Variants in CNTN5 observed in about 807,000 individuals in gnomAD.
CNTN5 encodes contactin-5.
Under a neutral mutation model 129.1 loss-of-function variants are expected in CNTN5, and 77 were observed. The observed-to-expected ratio is 0.60, with a 90% CI of 0.50 to 0.72. CNTN5 has a LOEUF of 0.72. Ranked by LOEUF, CNTN5 falls within the 30% of genes least tolerant of loss-of-function variation. CNTN5 has a pLI of 0.00. For synonymous variants in CNTN5, 509 were observed against 465.6 expected, an observed-to-expected ratio of 1.09 and a Z score of -1.20; for missense variants, 1,478 against 1,328.8, an observed-to-expected ratio of 1.11 and a Z score of -1.75.
chr11:100,176,089 G>T (rs1257277340), intron 13 of CNTN5, among the ~76,000 whole-genome samples: 1 of 151,874 alleles, frequency 6.6e-6, no homozygotes, highest in Non-Finnish European at 1.5e-5. Flanking sequence ...GCTCCATCTT[G>T]GCTCACTGCA....
chr11:99,299,377 T>G (rs896317380), intron 1 of CNTN5, among the ~76,000 whole-genome samples: 3 of 151,962 alleles, frequency 2.0e-5, no homozygotes, highest in East Asian at 1.9e-4. Context: ...CAAATAAAAA[T>G]TATAAAGTTG....
intron 2 of CNTN5, among the ~76,000 whole-genome samples, chr11:99,380,782 AAAAAGAAAAG>A (rs1555126508): frequency 8.0e-5 from 11 of 137,762 alleles, no homozygotes; most frequent in East Asian, 2.0e-4. Flanking sequence ...AAAAAAAAAA[AAAAAGAAAAG>A]AAAAAAGAAA....
chr11:99,387,454 A>G (rs1425321692), intron 2 of CNTN5, among the ~76,000 whole-genome samples: 1 of 152,226 alleles, frequency 6.6e-6, no homozygotes, highest in African/African-American at 2.4e-5. Flanking sequence ...ATTATTAAAC[A>G]CCATTTCTAC....
At chr11:99,230,950 C>T (rs896166463) in intron 1 of CNTN5, among the ~76,000 whole-genome samples, 41 of 152,120 alleles carry the variant, frequency 2.7e-4, no homozygotes, top group Non-Finnish European at 5.3e-4. Flanking sequence ...TAGTGGCTTC[C>T]AGCTCCATCC....
At chr11:99,312,547 A>T in intron 1 of CNTN5, among the ~76,000 whole-genome samples, 1 of 152,136 alleles carries the variant, frequency 6.6e-6, no homozygotes, top group East Asian at 1.9e-4. Flanking sequence ...AGCAGAATGC[A>T]TTATAATATA....
chr11:99,993,592 G>A (rs1469379694), intron 8 of CNTN5, among the ~76,000 whole-genome samples: 4 of 152,068 alleles, frequency 2.6e-5, no homozygotes, highest in Non-Finnish European at 2.9e-5. Context: ...ACAACAGGGT[G>A]CAAACTCCTG....
At chr11:100,052,585 G>T (rs539429580) in intron 9 of CNTN5, among the ~76,000 whole-genome samples, 2 of 151,752 alleles carry the variant, frequency 1.3e-5, no homozygotes, top group Non-Finnish European at 3.0e-5. Flanking sequence ...GAGATATACC[G>T]TGTTCATGGA....
intron 9 of CNTN5, among the ~76,000 whole-genome samples, chr11:100,003,342 T>A (rs1009212164): frequency 6.6e-6 from 1 of 152,134 alleles, no homozygotes; most frequent in Non-Finnish European, 1.5e-5. Flanking sequence ...GTTAAGCGCA[T>A]AAGATTGAAT....
intron 7 of CNTN5, among the ~76,000 whole-genome samples, chr11:99,955,274 A>G (rs551849829): frequency 6.6e-6 from 1 of 151,700 alleles, no homozygotes; most frequent in Non-Finnish European, 1.5e-5. Flanking sequence ...CCTTGAATTT[A>G]GAGTCTACTT....
intron 7 of CNTN5, among the ~76,000 whole-genome samples, chr11:99,932,594 TC>T (rs1950218160): frequency 6.6e-6 from 1 of 152,188 alleles, no homozygotes; most frequent in Non-Finnish European, 1.5e-5. Flanking sequence ...TTGTCACTTA[TC>T]AGCAATGTGA....
At chr11:99,537,387 C>A (rs1219697814) in intron 2 of CNTN5, among the ~76,000 whole-genome samples, 1 of 151,974 alleles carries the variant, frequency 6.6e-6, no homozygotes, top group Non-Finnish European at 1.5e-5. Flanking sequence ...GATGTTGAAC[C>A]CACACCTGTC....
At chr11:99,325,525 A>G (rs1865745608) in intron 2 of CNTN5, 41 bp downstream of exon 2, 1 of 152,124 alleles carries the variant, frequency 6.6e-6, no homozygotes, top group African/African-American at 2.4e-5. Context: ...AAATTGAAAG[A>G]CATGTTGAAA....
chr11:99,789,333 A>G (rs1170736023), intron 3 of CNTN5, among the ~76,000 whole-genome samples: 2 of 151,984 alleles, frequency 1.3e-5, no homozygotes, highest in Non-Finnish European at 2.9e-5. Flanking sequence ...AGAGAGATTA[A>G]GTAACTTCTC....
At chr11:100,326,316 A>G (rs1226471595) in intron 21 of CNTN5, among the ~76,000 whole-genome samples, 2 of 152,206 alleles carry the variant, frequency 1.3e-5, no homozygotes, top group Admixed American at 1.3e-4. Context: ...AATAACAGAA[A>G]AAAAGTGAAC....
chr11:99,828,835 A>G (rs1390814000), intron 4 of CNTN5, among the ~76,000 whole-genome samples: 1 of 152,202 alleles, frequency 6.6e-6, no homozygotes, highest in Non-Finnish European at 1.5e-5. Context: ...ATTTGATTAT[A>G]GTAGTTGTCT....
Position 100,135,325 on chromosome 11 carries a change from G to A in CNTN5, c.1581-55801G>A, listed in dbSNP as rs557719447. ...CAAGTAGCTGGGACTACAGGCATGT[G>A]CCACCATGCCCAGCTAATTTTTTAT... On this transcript the variant is annotated intron_variant, in intron 13 of 24. Coordinates refer to ENST00000524871, the MANE Select transcript of CNTN5 (RefSeq NM_014361.4). Among the ~76,000 whole-genome samples the A allele has an allele frequency of 1.3e-4, 19 of 151,870 alleles. No homozygotes were observed. In the East Asian group the frequency reaches 3.7e-3, roughly 30 times the overall value.
rs1052196913 is a variant in CNTN5 at position 100,289,289 on chromosome 11, G to T, written c.2315-8336G>T. On this transcript the variant is annotated intron_variant, in intron 18 of 24. Coordinates refer to ENST00000524871, the MANE Select transcript of CNTN5 (RefSeq NM_014361.4). ...GCAGCATCATCCTGATACCAAAGCCGGGCAGAGACACAACGAACAAAGAGA... is the reference window on the plus strand; with the variant it reads ...GCAGCATCATCCTGATACCAAAGCCTGGCAGAGACACAACGAACAAAGAGA... Among the ~76,000 whole-genome samples, 5 of 152,142 alleles carry T rather than the reference G, an allele frequency of 3.3e-5. No homozygotes were observed. In the South Asian group the frequency reaches 1.0e-3, roughly 32 times the overall value.
At chr11:99,045,112 T>G (rs1177397212) in intron 1 of CNTN5, among the ~76,000 whole-genome samples, 1 of 152,208 alleles carries the variant, frequency 6.6e-6, no homozygotes, top group African/African-American at 2.4e-5. Context: ...AAAGAATGAT[T>G]GATACAGTCA....
intron 2 of CNTN5, among the ~76,000 whole-genome samples, chr11:99,459,301 A>G (rs1252980105): frequency 1.3e-5 from 2 of 151,954 alleles, no homozygotes; most frequent in African/African-American, 4.8e-5. Flanking sequence ...GAGGAAAATG[A>G]ATTTTTTTCT....
Sources: allele counts gnomAD v4.1 joint callset (sites outside exome capture counted in the v4.1 genomes callset), GRCh38; gene constraint gnomAD v4.1.1; transcripts MANE v1.5; gene names NCBI Gene and HGNC (gene_info 2026-07-23, HGNC 2026-07-21).